Variants in MED27 observed in about 807,000 individuals in gnomAD.
The protein encoded by MED27 is mediator of RNA polymerase II transcription subunit 27.
A neutral mutation model predicts 38.2 loss-of-function variants in MED27; 30 were observed. The observed-to-expected ratio is 0.79, with a 90% CI of 0.59 to 1.07. MED27 has a LOEUF of 1.07. Among genes scored for constraint, MED27 ranks in the 50% least tolerant of loss-of-function variants. The pLI is 0.00. For synonymous variants in MED27, 122 were observed against 153.5 expected, an observed-to-expected ratio of 0.79 and a Z score of 1.52; for missense variants, 289 against 397.5, an observed-to-expected ratio of 0.73 and a Z score of 2.32.
At chr9:132,071,352 G>A (rs1035108606) in intron 2 of MED27, among the ~76,000 whole-genome samples, 7 of 151,784 alleles carry the variant, frequency 4.6e-5, no homozygotes, top group African/African-American at 1.2e-4. Flanking sequence ...ACACACATAC[G>A]TGTAACATGC....
chr9:131,878,651 C>T (rs1022666383), intron 6 of MED27, among the ~76,000 whole-genome samples: 1 of 152,146 alleles, frequency 6.6e-6, no homozygotes, highest in South Asian at 2.1e-4. Context: ...GAGTAGCTGT[C>T]GGTCTGCTCT....
At chr9:131,892,622 T>A (rs1336588025) in intron 5 of MED27, among the ~76,000 whole-genome samples, 1 of 152,160 alleles carries the variant, frequency 6.6e-6, no homozygotes, top group Non-Finnish European at 1.5e-5. Flanking sequence ...TATGAAGTTG[T>A]CAACTTTGAA....
intron 4 of MED27, among the ~76,000 whole-genome samples, chr9:131,894,367 C>T (rs531009356): frequency 1.2e-4 from 19 of 152,040 alleles, no homozygotes; most frequent in Middle Eastern, 6.8e-3. Context: ...TTAGTGAGCA[C>T]GTTGTTTCGT....
intron 3 of MED27, among the ~76,000 whole-genome samples, chr9:131,971,803 G>C (rs756606122): frequency 1.3e-5 from 2 of 152,138 alleles, no homozygotes; most frequent in Non-Finnish European, 2.9e-5. Context: ...AGAAATGAGA[G>C]GAAAACTTTG....
chr9:132,058,604 C>T (rs372900746), intron 2 of MED27, among the ~76,000 whole-genome samples: 13 of 152,178 alleles, frequency 8.5e-5, no homozygotes, highest in Non-Finnish European at 1.6e-4. Context: ...CCCAGCCATG[C>T]GGAACTGTGA....
intron 4 of MED27, among the ~76,000 whole-genome samples, chr9:131,907,574 C>T (rs937996914): frequency 8.5e-5 from 13 of 152,176 alleles, no homozygotes; most frequent in Admixed American, 2.6e-4. Flanking sequence ...GCTACAACCT[C>T]CACCTCCCAG....
intron 4 of MED27, among the ~76,000 whole-genome samples, chr9:131,938,503 C>T (rs976146360): frequency 6.6e-6 from 1 of 152,126 alleles, no homozygotes; most frequent in African/African-American, 2.4e-5. Context: ...TAATTAATAA[C>T]ATAATTTAGC....
chr9:132,014,319 T>C lies in MED27; in HGVS notation c.479+18A>G. ...AGTTCACCCAGTACTAAAGTAATTTTTCAAATCCATCACTCACTGAGGTGG... is the reference window on the plus strand; with the variant it reads ...AGTTCACCCAGTACTAAAGTAATTTCTCAAATCCATCACTCACTGAGGTGG... On this transcript the variant is annotated intron_variant, in intron 3 of 7. Coordinates refer to ENST00000292035, the MANE Select transcript of MED27 (RefSeq NM_004269.4). 1 of 1,605,724 alleles carries C rather than the reference T, an allele frequency of 6.2e-7. No individual in the cohort carries two copies. The highest frequency in any genetic ancestry group is 2.2e-5 in the East Asian group (1 of 44,768).
chr9:131,980,211 G>T (rs1012188664), intron 3 of MED27, among the ~76,000 whole-genome samples: 2 of 151,158 alleles, frequency 1.3e-5, no homozygotes, highest in African/African-American at 2.4e-5. Context: ...GGCGGGTGGC[G>T]GGGGGGAGAG....
chr9:131,920,534 G>A (rs1407623294), intron 4 of MED27, among the ~76,000 whole-genome samples: 3 of 152,172 alleles, frequency 2.0e-5, no homozygotes, highest in Admixed American at 1.3e-4. Context: ...CTCCTGTGTG[G>A]AACTTAGGGT....
intron 6 of MED27, chr9:131,869,346 G>GT (rs1220968131): frequency 2.0e-6 from 2 of 981,208 alleles, no homozygotes; most frequent in Non-Finnish European, 2.4e-6. Flanking sequence ...CAACAAAGTT[G>GT]TTTTTTTGCT....
chr9:132,011,572 T>G (rs889506757), intron 3 of MED27, among the ~76,000 whole-genome samples: 1 of 151,960 alleles, frequency 6.6e-6, no homozygotes, highest in Non-Finnish European at 1.5e-5. Context: ...AAGGTCAAGG[T>G]GAGAGGATCA....
chr9:132,068,659 G>T (rs983331699), intron 2 of MED27, among the ~76,000 whole-genome samples: 1 of 152,182 alleles, frequency 6.6e-6, no homozygotes, highest in Non-Finnish European at 1.5e-5. Context: ...AGGGATCTGG[G>T]TAGGTGGCTG....
intron 2 of MED27, among the ~76,000 whole-genome samples, chr9:132,072,126 G>A (rs967529941): frequency 7.2e-5 from 11 of 152,072 alleles, no homozygotes; most frequent in South Asian, 2.1e-4. Context: ...GTACACATGC[G>A]TACAAGTAAC....
chr9:132,038,070 T>C (rs930122196), intron 2 of MED27, among the ~76,000 whole-genome samples: 11 of 144,220 alleles, frequency 7.6e-5, no homozygotes, highest in Non-Finnish European at 1.5e-4. Flanking sequence ...GCTATTCTAC[T>C]TTTTTTTTTT....
intron 3 of MED27, among the ~76,000 whole-genome samples, chr9:131,984,995 C>G (rs1831818013): frequency 6.6e-6 from 1 of 152,112 alleles, no homozygotes; most frequent in Non-Finnish European, 1.5e-5. Context: ...TTATGTTGTA[C>G]ATAGCAGGGT....
In MED27 at chr9:132,051,396, G is replaced by A. The variant is rs1167212421; in HGVS notation, c.348+26046C>T. The stretch of plus-strand genomic sequence containing the variant: ...CTACGTTGGGGAAAAAAGAGGGCTT[G>A]TCTTGGCCACAGAGTCCAAGGCTCC... On this transcript the variant is annotated intron_variant, in intron 2 of 7. Coordinates refer to ENST00000292035, the MANE Select transcript of MED27 (RefSeq NM_004269.4). This position sits in a 1 kb window ranked among gnomAD's most constrained non-coding sequence, Gnocchi z 4.2. Among the ~76,000 whole-genome samples, 1 of 152,180 alleles carries A rather than the reference G, an allele frequency of 6.6e-6. No individual in the cohort carries two copies. The highest frequency in any genetic ancestry group is 2.1e-4 in the South Asian group (1 of 4,826).
intron 3 of MED27, among the ~76,000 whole-genome samples, chr9:131,991,015 A>G (rs1350510112): frequency 2.6e-5 from 4 of 152,214 alleles, no homozygotes; most frequent in Non-Finnish European, 5.9e-5. Flanking sequence ...TAGCTATGCT[A>G]AAGAGTGGAG....
At chr9:131,987,498 C>T (rs990215590) in intron 3 of MED27, among the ~76,000 whole-genome samples, 1 of 152,116 alleles carries the variant, frequency 6.6e-6, no homozygotes, top group Admixed American at 6.6e-5. Flanking sequence ...CTGAGAGAAA[C>T]TTCATTCTAA....
Sources: gnomAD v4.1 joint callset for allele counts (sites outside exome capture counted in the v4.1 genomes callset) on GRCh38, gnomAD v4.1.1 for gene constraint, Gnocchi (gnomAD v3.1) non-coding constraint, MANE v1.5 for transcripts, NCBI Gene and HGNC (gene_info 2026-07-23, HGNC 2026-07-21) for gene names.